The following VCAN variants were observed in gnomAD, a reference collection of about 807,000 sequenced individuals.
VCAN encodes the protein versican core protein.
In VCAN, 44 loss-of-function variants were observed where a neutral mutation model predicts 245.5. The ratio of observed to expected loss-of-function variants is 0.18; its 90% CI spans 0.14 to 0.23. VCAN has a LOEUF of 0.23. VCAN is among the 10% of genes least tolerant of loss of function. VCAN has a pLI of 1.00. For missense variants in VCAN, 3,793 were observed against 4,057.9 expected, an observed-to-expected ratio of 0.93 and a Z score of 1.77; for synonymous variants, 1,413 against 1,437.0, an observed-to-expected ratio of 0.98 and a Z score of 0.38.
At chr5:83,507,400 C>A (rs189407754) in intron 5 of VCAN, among the ~76,000 whole-genome samples, 27 of 152,310 alleles carry the variant, frequency 1.8e-4, no homozygotes, top group African/African-American at 5.8e-4. Context: ...GCTGTGCATT[C>A]CCTGTCTAAC....
At chr5:83,484,663 C>T (rs572549957) in intron 2 of VCAN, among the ~76,000 whole-genome samples, 149 of 152,266 alleles carry the variant, frequency 9.8e-4, no homozygotes, top group Non-Finnish European at 1.9e-3. Context: ...GGAATATACC[C>T]ATGGATGACT....
chr5:83,539,082 C>T lies in VCAN; in HGVS notation c.6079C>T (p.Pro2027Ser). 6.2e-7 allele frequency: 1 copy of T among 1,613,968 alleles called. No homozygotes were observed. The highest frequency in any genetic ancestry group is 8.5e-7 in the Non-Finnish European group (1 of 1,179,946). ...TVSSSVVPVLPSAVQKFSGTA... is the reference protein window; with the variant it reads ...TVSSSVVPVLSSAVQKFSGTA... ...CAGCAGCTCTGTTGTTCCAGTGCTT[C>T]CCAGTGCTGTGCAAAAGTTTTCTGG... Residue 2027 changes from proline (P) to serine (S), a missense_variant, in exon 8 of 15, where the codon CCC becomes TCC. By Grantham distance (74) the Pro-to-Ser change is moderately conservative. Coordinates refer to ENST00000265077, the MANE Select transcript of VCAN (RefSeq NM_004385.5).
rs903185366 is a variant in VCAN at position 83,522,247 on chromosome 5, C to G, written c.3941C>G (p.Ala1314Gly). 4 of 1,600,236 alleles carry G rather than the reference C, an allele frequency of 2.5e-6. No individual in the cohort carries two copies. The African/African-American group carries it at 5.3e-5, about 21-fold the overall frequency. ...PQALSTPQPP[A>G]STKFHPDINV... Reference sequence around the variant, plus strand: ...GCGCTTTCTACGCCACAGCCCCCAGCAAGCACAAAATTTCACCCTGACATT... The same window carrying G: ...GCGCTTTCTACGCCACAGCCCCCAGGAAGCACAAAATTTCACCCTGACATT... The change falls in exon 7 of 15, where the codon GCA (alanine) becomes GGA (glycine). Residue 1314 changes from alanine (A) to glycine (G), a missense_variant. Physicochemically the swap from Ala to Gly is moderately conservative, Grantham distance 60. Transcript: ENST00000265077.
intron 7 of VCAN, among the ~76,000 whole-genome samples, chr5:83,533,325 G>A (rs756674726): frequency 6.6e-6 from 1 of 152,098 alleles, no homozygotes; most frequent in Non-Finnish European, 1.5e-5. Flanking sequence ...TTTGCAATAA[G>A]TACATTCCAA....
chr5:83,571,039 A>G (rs1748268923), intron 12 of VCAN, among the ~76,000 whole-genome samples: 2 of 152,152 alleles, frequency 1.3e-5, no homozygotes. Flanking sequence ...TGTCACATAA[A>G]TCTAAATCTG....
Position 83,471,803 on chromosome 5 carries a change from G to A in VCAN, c.-227G>A. On this transcript the variant is annotated 5_prime_UTR_variant, in exon 1 of 15. Transcript: ENST00000265077. ...TTCTGGGGAAGAACTCCAGGCGTGC[G>A]GACGCAACAGCCGAGAACATTAGGT... The A allele has an allele frequency of 2.5e-6, 1 of 398,796 alleles. No individual in the cohort carries two copies. Among genetic ancestry groups the A allele is most frequent in the Non-Finnish European group, 4.4e-6 (1 of 226,240 alleles). The allele number at this position is 398,796 out of a possible 1,614,324, so 24.7% of individuals were successfully genotyped here.
At chr5:83,475,841 T>A (rs146540991) in intron 1 of VCAN, among the ~76,000 whole-genome samples, 208 of 152,332 alleles carry the variant, frequency 1.4e-3, no homozygotes, top group Non-Finnish European at 1.9e-3. Flanking sequence ...AGGATTTATG[T>A]CAGAATTCAA....
chr5:83,575,329 C>A (rs76596629), intron 13 of VCAN, among the ~76,000 whole-genome samples: 2 of 152,126 alleles, frequency 1.3e-5, no homozygotes, highest in Non-Finnish European at 2.9e-5. Flanking sequence ...CTTTCCTGAC[C>A]ATGTCCCTTA....
In VCAN at chr5:83,572,494, G is replaced by A; in HGVS notation, c.9814G>A (p.Glu3272Lys). Residue 3272 changes from glutamate (E) to lysine (K), a missense_variant, in exon 13 of 15, where the codon GAG (glutamate) becomes AAG (lysine). Glu to Lys is a moderately conservative substitution (Grantham distance 56). Transcript: ENST00000265077. ...AGACTGTGTTGTAATCATTTGGCATGAGAATGGCCAGTGGAATGATGTTCC... is the reference window on the plus strand; with the variant it reads ...AGACTGTGTTGTAATCATTTGGCATAAGAATGGCCAGTGGAATGATGTTCC... ...GEDCVVIIWH[E>K]NGQWNDVPCN... The A allele has an allele frequency of 6.2e-7, 1 of 1,613,948 alleles. No homozygotes were observed. The highest frequency in any genetic ancestry group is 1.1e-5 in the South Asian group (1 of 91,080).
intron 1 of VCAN, among the ~76,000 whole-genome samples, chr5:83,473,648 C>A (rs11949286): frequency 7.3e-4 from 111 of 152,322 alleles, no homozygotes; most frequent in African/African-American, 2.6e-3. Context: ...TCCTTCGGAT[C>A]TGCCCCCAGT....
At chr5:83,561,224 G>T (rs924389869) in intron 12 of VCAN, among the ~76,000 whole-genome samples, 2 of 151,908 alleles carry the variant, frequency 1.3e-5, no homozygotes, top group African/African-American at 4.8e-5. Flanking sequence ...TCTACAGTTG[G>T]GAGAAAACAG....
intron 1 of VCAN, among the ~76,000 whole-genome samples, chr5:83,475,183 C>T (rs1744343035): frequency 1.3e-5 from 2 of 152,144 alleles, no homozygotes; most frequent in African/African-American, 2.4e-5. Context: ...TCCTGTGCCT[C>T]AATGAGGAAC....
chr5:83,576,844 T>C lies in VCAN; in HGVS notation c.9881-3136T>C, dbSNP rs191892811. 2.2e-3 allele frequency among the ~76,000 whole-genome samples: 342 copies of C among 152,290 alleles called. 1 individual carries two copies. Among genetic ancestry groups the C allele is most frequent in the African/African-American group, 7.9e-3 (327 of 41,572 alleles). ...CTCTGAATATCTTTTCATATATTTA[T>C]CAATCACTTGAAGCTCTGCTTTTGT... On this transcript the variant is annotated intron_variant, in intron 13 of 14. Transcript: ENST00000265077.
rs747607041 is a variant in VCAN at position 83,540,671 on chromosome 5, G to A, written c.7668G>A (p.Leu2556=). ...ACAAAGAGGACAAGGATTTAATATT[G>A]ACAATTACAGAGAGTACCATCCTTG... ...DLDKEDKDLI[L]TITESTILEI... Residue 2556 remains leucine, a synonymous_variant, in exon 8 of 15, where the codon TTG becomes TTA. Transcript: ENST00000265077. 1.9e-6 allele frequency: 3 copies of A among 1,613,850 alleles called. No individual in the cohort carries two copies. The highest frequency in any genetic ancestry group is 2.5e-6 in the Non-Finnish European group (3 of 1,179,946).
In VCAN at chr5:83,539,129, C is replaced by T. The variant is rs138910265; in HGVS notation, c.6126C>T (p.Asp2042=). 1,111 of 1,613,890 alleles carry T rather than the reference C, an allele frequency of 6.9e-4. 8 individuals carry two copies. The African/African-American group carries it at 0.012, about 17-fold the overall frequency. The change falls in exon 8 of 15, where the codon GAC becomes GAT. Residue 2042 remains aspartate, a synonymous_variant. Coordinates refer to ENST00000265077, the MANE Select transcript of VCAN (RefSeq NM_004385.5). ...CTGGTACAGCTTCCTCCATTATCGA[C>T]GAAGGATTGGGAGAAGTGGGTACTG... ...KFSGTASSII[D]EGLGEVGTVN...
chr5:83,489,840 A>G (rs1179416193), intron 2 of VCAN, among the ~76,000 whole-genome samples: 1 of 146,974 alleles, frequency 6.8e-6, no homozygotes, highest in Non-Finnish European at 1.5e-5. Flanking sequence ...TATTTTGTTC[A>G]TGTTAAACAC....
intron 12 of VCAN, among the ~76,000 whole-genome samples, 175 bp from the exon 13 acceptor site, chr5:83,572,241 T>C (rs1243006798): frequency 1.3e-5 from 2 of 152,200 alleles, no homozygotes; most frequent in Admixed American, 1.3e-4. Context: ...TTGAGACACA[T>C]ATATTTTCTA....
intron 1 of VCAN, among the ~76,000 whole-genome samples, chr5:83,473,485 C>T (rs1744271148): frequency 6.6e-6 from 1 of 152,168 alleles, no homozygotes; most frequent in South Asian, 2.1e-4. Context: ...TCTCCATCTT[C>T]TCTGCCTCCC....
chr5:83,525,759 G>A (rs1746271968), intron 7 of VCAN, among the ~76,000 whole-genome samples: 1 of 152,090 alleles, frequency 6.6e-6, no homozygotes, highest in Admixed American at 6.6e-5. Flanking sequence ...AGATTAAGAT[G>A]TTGGTAAAAT....
Sources: gnomAD v4.1 joint callset for allele counts (sites outside exome capture counted in the v4.1 genomes callset) on GRCh38, gnomAD v4.1.1 for gene constraint, MANE v1.5 for transcripts, NCBI Gene and HGNC (gene_info 2026-07-23, HGNC 2026-07-21) for gene names.